EMCN: variants seen among roughly 807,000 people sequenced by gnomAD.
EMCN encodes the protein endomucin.
In EMCN, 37 loss-of-function variants were observed where a neutral mutation model predicts 38.4. The ratio of observed to expected loss-of-function variants is 0.96; its 90% CI spans 0.74 to 1.27. The LOEUF is 1.27. EMCN is among the 50% of genes most tolerant of loss of function. The probability of loss-of-function intolerance (pLI) is 0.00; values close to 1 mark genes in which losing one functional copy is unlikely to be tolerated. For synonymous variants in EMCN, 95 were observed against 100.8 expected, an observed-to-expected ratio of 0.94 and a Z score of 0.35; for missense variants, 318 against 302.8, an observed-to-expected ratio of 1.05 and a Z score of -0.37.
rs201510590 is a variant in EMCN, at chr4:100,480,006, A to G, written c.98T>C (p.Val33Ala). The G allele has an allele frequency of 3.3e-6, 4 of 1,196,186 alleles. No homozygotes were observed. Among genetic ancestry groups the G allele is most frequent in the Non-Finnish European group, 4.2e-6 (4 of 958,000 alleles). The allele number at this position is 1,196,186 out of a possible 1,614,324, so 74.1% of individuals were successfully genotyped here. Residue 33 changes from valine to alanine, a missense_variant, in exon 2 of 12, where the codon GTT (valine) becomes GCT (alanine). By Grantham distance (64) the Val-to-Ala change is moderately conservative. Transcript: ENST00000296420. ...TGTTATAGATGGTTTTGTTGTAGTA[A>G]CAACAAGTGAATTATTAGCTGCCTC... Reference protein sequence around the residue: ...VLEAANNSLVVTTTKPSITTP... With the variant: ...VLEAANNSLVATTTKPSITTP...
intron 2 of EMCN, among the ~76,000 whole-genome samples, chr4:100,475,434 GT>G (rs1241019935): frequency 1.3e-5 from 2 of 150,662 alleles, no homozygotes; most frequent in African/African-American, 4.9e-5. Context: ...AAATTCTAAT[GT>G]TTAAAATCAT....
chr4:100,473,452 G>C (rs1001468208), intron 3 of EMCN, among the ~76,000 whole-genome samples: 1 of 125,666 alleles, frequency 8.0e-6, no homozygotes, highest in Non-Finnish European at 1.6e-5. Flanking sequence ...AATGATGTTA[G>C]ACAAAAACAA....
intron 1 of EMCN, among the ~76,000 whole-genome samples, chr4:100,514,343 C>T (rs1370333509): frequency 6.6e-6 from 1 of 152,040 alleles, no homozygotes; most frequent in Non-Finnish European, 1.5e-5. Flanking sequence ...TCCTTCACTG[C>T]CAGTCAATGA....
chr4:100,457,655 A>C (rs1011937449), intron 4 of EMCN, among the ~76,000 whole-genome samples: 4 of 152,218 alleles, frequency 2.6e-5, no homozygotes, highest in Non-Finnish European at 2.9e-5. Context: ...ATGCCACTTG[A>C]AACAAGATGT....
chr4:100,417,883 G>A (rs1271366143), intron 8 of EMCN, among the ~76,000 whole-genome samples: 3 of 152,168 alleles, frequency 2.0e-5, no homozygotes, highest in African/African-American at 7.2e-5. Context: ...GGTTCCCCTT[G>A]TTGTGCTCCT....
intron 5 of EMCN, 54 bp from the exon 6 acceptor site, chr4:100,423,458 G>A: frequency 8.0e-7 from 1 of 1,250,882 alleles, no homozygotes; most frequent in South Asian, 1.2e-5. Context: ...CCTTCATATG[G>A]GATTTCTTTG....
In EMCN at chr4:100,395,476, T is replaced by C. The variant is rs1726097928; in HGVS notation, c.*2937A>G. The C allele has an allele frequency of 6.6e-6, 1 of 152,160 alleles. No individual in the cohort carries two copies. Among genetic ancestry groups the C allele is most frequent in the South Asian group, 2.1e-4 (1 of 4,828 alleles). The allele number at this position is 152,160 out of a possible 1,614,324, so 9.4% of individuals were successfully genotyped here. On this transcript the variant is annotated 3_prime_UTR_variant, in exon 12 of 12. Transcript: ENST00000296420. Reference sequence around the variant, plus strand: ...CTCCATTAAGAATACTCATTATAGGTTTAATTAATCACAATGATGGATATC... The same window carrying C: ...CTCCATTAAGAATACTCATTATAGGCTTAATTAATCACAATGATGGATATC...
At chr4:100,462,373 T>C (rs957810679) in intron 4 of EMCN, among the ~76,000 whole-genome samples, 4 of 152,146 alleles carry the variant, frequency 2.6e-5, no homozygotes, top group African/African-American at 4.8e-5. Context: ...TTCTACTTCA[T>C]GAATTGAAGT....
chr4:100,505,708 T>G (rs1729464481), intron 1 of EMCN, among the ~76,000 whole-genome samples: 1 of 152,134 alleles, frequency 6.6e-6, no homozygotes, highest in African/African-American at 2.4e-5. Context: ...CATCAAGTAA[T>G]GTCTTTCATT....
chr4:100,465,748 A>C (rs1455113723), intron 3 of EMCN, among the ~76,000 whole-genome samples: 1 of 152,190 alleles, frequency 6.6e-6, no homozygotes, highest in Non-Finnish European at 1.5e-5. Context: ...TCTTGTGTAC[A>C]TGCTGTAGGT....
chr4:100,412,014 C>T (rs899005932), intron 10 of EMCN, among the ~76,000 whole-genome samples: 2 of 151,962 alleles, frequency 1.3e-5, no homozygotes, highest in African/African-American at 4.8e-5. Context: ...GATGACTATG[C>T]ACTTAATGAG....
chr4:100,510,227 A>G (rs1729591277), intron 1 of EMCN, among the ~76,000 whole-genome samples: 1 of 152,216 alleles, frequency 6.6e-6, no homozygotes, highest in South Asian at 2.1e-4. Context: ...TTAATTAAAT[A>G]CAAACACAAT....
At chr4:100,513,477 G>A (rs1253445979) in intron 1 of EMCN, among the ~76,000 whole-genome samples, 2 of 152,048 alleles carry the variant, frequency 1.3e-5, no homozygotes, top group Non-Finnish European at 2.9e-5. Flanking sequence ...TTGTATTTTT[G>A]AGAAGTTGGT....
intron 2 of EMCN, among the ~76,000 whole-genome samples, chr4:100,475,826 C>T (rs889550451): frequency 4.0e-5 from 6 of 151,632 alleles, no homozygotes; most frequent in Admixed American, 1.3e-4. Context: ...TACAGGCGCC[C>T]GCCACCACGC....
At chr4:100,504,104 G>A (rs1385627588) in intron 1 of EMCN, among the ~76,000 whole-genome samples, 1 of 152,176 alleles carries the variant, frequency 6.6e-6, no homozygotes, top group Admixed American at 6.5e-5. Context: ...AGAATTATTT[G>A]AGAAGAGGAT....
intron 4 of EMCN, among the ~76,000 whole-genome samples, chr4:100,464,266 G>A (rs144331926): frequency 3.3e-5 from 5 of 151,586 alleles, no homozygotes; most frequent in Admixed American, 1.3e-4. Flanking sequence ...GCTACAAACC[G>A]CTCTTTAGTG....
chr4:100,465,587 C>A, intron 3 of EMCN, 48 bp from the exon 4 acceptor site: 2 of 974,554 alleles, frequency 2.1e-6, no homozygotes, highest in Non-Finnish European at 1.5e-6. Flanking sequence ...ATCACCAGAT[C>A]ATCTTATTAA....
Position 100,480,147 on chromosome 4 carries a change from A to G in EMCN, c.65-108T>C, listed in dbSNP as rs1293121892. Reference sequence around the variant, plus strand: ...TCAGTAGAATGTGAATTTGCAACCAATTTTCCAGTTGTAATCAATTTATCC... The same window carrying G: ...TCAGTAGAATGTGAATTTGCAACCAGTTTTCCAGTTGTAATCAATTTATCC... On this transcript the variant is annotated intron_variant, in intron 1 of 11. Transcript: ENST00000296420. 117 of 909,226 alleles carry G rather than the reference A, an allele frequency of 1.3e-4. 2 individuals carry two copies. The South Asian group carries it at 1.8e-3, about 14-fold the overall frequency. The allele number at this position is 909,226 out of a possible 1,614,324, so 56.3% of individuals were successfully genotyped here.
intron 5 of EMCN, among the ~76,000 whole-genome samples, chr4:100,440,671 A>G (rs779812040): frequency 2.0e-5 from 3 of 152,024 alleles, no homozygotes; most frequent in Non-Finnish European, 4.4e-5. Flanking sequence ...CTCATTAATC[A>G]ATGGGTACTT....
Sources: gnomAD v4.1 joint callset for allele counts (sites outside exome capture counted in the v4.1 genomes callset) on GRCh38, gnomAD v4.1.1 for gene constraint, MANE v1.5 for transcripts, NCBI Gene and HGNC (gene_info 2026-07-23, HGNC 2026-07-21) for gene names.